The following ATP9B variants were observed in gnomAD, a reference collection of about 807,000 sequenced individuals.
ATP9B encodes probable phospholipid-transporting ATPase IIB.
Under a neutral mutation model 146.1 loss-of-function variants are expected in ATP9B, and 110 were observed. That is an observed-to-expected ratio of 0.75 (90% CI 0.65 to 0.88). The LOEUF (loss-of-function observed/expected upper bound fraction) is 0.88, where lower values mean the gene tolerates loss of function less well. ATP9B is among the 40% of genes least tolerant of loss of function. The pLI is 0.00. For synonymous variants in ATP9B, 604 were observed against 569.7 expected, an observed-to-expected ratio of 1.06 and a Z score of -0.86; for missense variants, 1,499 against 1,496.4, an observed-to-expected ratio of 1.00 and a Z score of -0.03.
At chr18:79,331,657 T>G (rs2096790712) in intron 17 of ATP9B, among the ~76,000 whole-genome samples, 1 of 152,196 alleles carries the variant, frequency 6.6e-6, no homozygotes, top group Non-Finnish European at 1.5e-5. Flanking sequence ...TAAAAGTGTA[T>G]TATTCTGCTT....
intron 2 of ATP9B, among the ~76,000 whole-genome samples, chr18:79,099,550 T>A (rs1056227223): frequency 6.6e-6 from 1 of 152,210 alleles, no homozygotes; most frequent in Non-Finnish European, 1.5e-5. Flanking sequence ...CATTGTCATT[T>A]CTAATCTAAA....
At chr18:79,246,717 C>CCGCGCT (rs2095969055) in intron 11 of ATP9B, among the ~76,000 whole-genome samples, 1 of 152,196 alleles carries the variant, frequency 6.6e-6, no homozygotes, top group African/African-American at 2.4e-5. Flanking sequence ...CTGGCCGCGC[C>CCGCGCT]CCGCGCTCCC....
At chr18:79,297,746 A>AACATTCAGTTCCCAAGTCCAGTTGATGCT (rs1220166892) in intron 13 of ATP9B, among the ~76,000 whole-genome samples, 3 of 148,294 alleles carry the variant, frequency 2.0e-5, no homozygotes, top group South Asian at 2.1e-4. Context: ...CTACTCAGGG[A>AACATTCAGTTCCCAAGTCCAGTTGATGCT]CTTAGGATTT....
intron 7 of ATP9B, among the ~76,000 whole-genome samples, chr18:79,167,370 T>C (rs1274924531): frequency 6.6e-6 from 1 of 152,040 alleles, no homozygotes; most frequent in Non-Finnish European, 1.5e-5. Context: ...AGTGGGTAGC[T>C]CCTCTCCACA....
intron 19 of ATP9B, 46 bp downstream of exon 19, chr18:79,337,495 CAA>C (rs1225679781): frequency 6.3e-7 from 1 of 1,582,220 alleles, no homozygotes; most frequent in East Asian, 2.2e-5. Flanking sequence ...TTTGCTGAAG[CAA>C]ACAGTGCTTT....
At chr18:79,364,471 C>G (rs1351292357) in intron 26 of ATP9B, among the ~76,000 whole-genome samples, 1 of 152,114 alleles carries the variant, frequency 6.6e-6, no homozygotes. Flanking sequence ...GAGAGGAAAT[C>G]AGAAGGAGAA....
chr18:79,139,971 G>C (rs1467662936), intron 5 of ATP9B, among the ~76,000 whole-genome samples: 2 of 152,138 alleles, frequency 1.3e-5, no homozygotes, highest in African/African-American at 2.4e-5. Context: ...ACCTATCGTA[G>C]GATCTGAAAT....
At chr18:79,097,662 T>C (rs977816601) in intron 2 of ATP9B, among the ~76,000 whole-genome samples, 1 of 148,730 alleles carries the variant, frequency 6.7e-6, no homozygotes, top group African/African-American at 2.5e-5. Flanking sequence ...TTACTGAGAA[T>C]GATGGTTTCG....
chr18:79,263,366 A>G (rs2096165245), intron 12 of ATP9B, among the ~76,000 whole-genome samples: 2 of 152,166 alleles, frequency 1.3e-5, no homozygotes, highest in Admixed American at 1.3e-4. Context: ...TTCGCCTCCC[A>G]GGAATACTGT....
At chr18:79,335,707 C>T (rs1431161349) in intron 17 of ATP9B, among the ~76,000 whole-genome samples, 1 of 152,218 alleles carries the variant, frequency 6.6e-6, no homozygotes, top group Non-Finnish European at 1.5e-5. Context: ...ACTAACTGCG[C>T]TTACTGCTCA....
At chr18:79,240,660 G>A (rs1384622832) in intron 11 of ATP9B, among the ~76,000 whole-genome samples, 2 of 152,188 alleles carry the variant, frequency 1.3e-5, no homozygotes, top group Non-Finnish European at 2.9e-5. Flanking sequence ...CAGGAGAATC[G>A]CTTGAACCTG....
At chr18:79,070,638 G>C (rs767166982) in intron 1 of ATP9B, among the ~76,000 whole-genome samples, 1 of 151,644 alleles carries the variant, frequency 6.6e-6, no homozygotes, top group African/African-American at 2.4e-5. Flanking sequence ...TTTCAAAATA[G>C]GTTTCCATCA....
chr18:79,366,490 G>A (rs1385052209), intron 26 of ATP9B, among the ~76,000 whole-genome samples: 2 of 152,218 alleles, frequency 1.3e-5, no homozygotes, highest in Non-Finnish European at 1.5e-5. Context: ...GAATCAATAA[G>A]CCCATGCATG....
intron 5 of ATP9B, among the ~76,000 whole-genome samples, chr18:79,130,509 G>GGA (rs141512058): frequency 0.25 from 38,305 of 151,184 alleles, 5,151 homozygotes; most frequent in East Asian, 0.5. Context: ...AAGAAGTCGA[G>GGA]GAGAGAGAGA....
rs1003917921 is a variant in ATP9B at position 79,200,631 on chromosome 18, G to C, written c.955-6306G>C. Among the ~76,000 whole-genome samples, 7 of 3,564 alleles carry C rather than the reference G, an allele frequency of 2.0e-3. No individual in the cohort carries two copies. The Admixed American group carries it at 0.025, about 13-fold the overall frequency. 2.3% of individuals were successfully genotyped at this position (3,564 alleles called of 152,430 possible). ...GCTTCATTAAGAAATTATAATAAAGGTTTCTCGGAAATTGCCAAATATCAG... is the reference window on the plus strand; with the variant it reads ...GCTTCATTAAGAAATTATAATAAAGCTTTCTCGGAAATTGCCAAATATCAG... On this transcript the variant is annotated intron_variant, in intron 9 of 29. Transcript: ENST00000426216.
intron 15 of ATP9B, among the ~76,000 whole-genome samples, chr18:79,325,347 T>C (rs1271083850): frequency 6.6e-6 from 1 of 152,192 alleles, no homozygotes; most frequent in Non-Finnish European, 1.5e-5. Context: ...TGTAGGATAG[T>C]AGTTACAGTT....
At chr18:79,304,542 C>T (rs1046544999) in intron 14 of ATP9B, among the ~76,000 whole-genome samples, 1 of 152,136 alleles carries the variant, frequency 6.6e-6, no homozygotes, top group African/African-American at 2.4e-5. Flanking sequence ...ATTTTTGGAT[C>T]AGGGATACTC....
At chr18:79,076,571 T>A (rs536797803) in intron 1 of ATP9B, among the ~76,000 whole-genome samples, 1 of 148,130 alleles carries the variant, frequency 6.8e-6, no homozygotes, top group African/African-American at 2.6e-5. Flanking sequence ...TCTTACTACT[T>A]TCAAGCATTT....
At chr18:79,071,399 C>CTTTTTTTT (rs56119715) in intron 1 of ATP9B, among the ~76,000 whole-genome samples, 4,046 of 69,206 alleles carry the variant, frequency 0.058, 893 homozygotes, top group African/African-American at 0.13. Context: ...ATTGTTCTTC[C>CTTTTTTTT]TTTTTTTTTT....
Sources: allele counts gnomAD v4.1 joint callset (sites outside exome capture counted in the v4.1 genomes callset), GRCh38; gene constraint gnomAD v4.1.1; transcripts MANE v1.5; gene names NCBI Gene and HGNC (gene_info 2026-07-23, HGNC 2026-07-21).